Variants in NDUFV3 observed in about 807,000 individuals in gnomAD.
NDUFV3 encodes NADH:ubiquinone oxidoreductase subunit V3, also known as NADH dehydrogenase [ubiquinone] flavoprotein 3, mitochondrial.
A neutral mutation model predicts 37.5 loss-of-function variants in NDUFV3; 44 were observed. That is an observed-to-expected ratio of 1.17 (90% confidence interval 0.92 to 1.51). NDUFV3 has a LOEUF of 1.51. Ranked by LOEUF, NDUFV3 falls within the 40% of genes most tolerant of loss-of-function variation. NDUFV3 has a pLI of 0.00. For missense variants in NDUFV3, 580 were observed against 580.4 expected, an observed-to-expected ratio of 1.00 and a Z score of 0.01; for synonymous variants, 235 against 239.3, an observed-to-expected ratio of 0.98 and a Z score of 0.17.
At position 42,897,031 on chromosome 21, in the gene NDUFV3, G is replaced by A. The variant is rs547291948; in HGVS notation, c.153G>A (p.Lys51=). 1.6e-5 allele frequency: 26 copies of A among 1,614,042 alleles called. 1 individual carries two copies. In the South Asian group the frequency reaches 2.7e-4, roughly 17 times the overall value. ...AGGGTCAGCCACAGAATTCCAAGAA[G>A]CAAAGTCCACCAAAAAGTAAGATTT... The part of the protein sequence containing the change: ...SEKGQPQNSK[K]QSPPKNVVEP... The change falls in exon 2 of 4, where the codon AAG becomes AAA. Residue 51 remains lysine (K), a synonymous_variant. Transcript: ENST00000354250.
At position 42,897,033 on chromosome 21, in the gene NDUFV3, A is replaced by T. The variant is rs756027987; in HGVS notation, c.155A>T (p.Gln52Leu). 1 of 1,614,120 alleles carries T rather than the reference A, an allele frequency of 6.2e-7. No individual in the cohort carries two copies. Among genetic ancestry groups the T allele is most frequent in the Non-Finnish European group, 8.5e-7 (1 of 1,179,982 alleles). Residue 52 changes from glutamine to leucine, a missense_variant, in exon 2 of 4, where the codon CAA becomes CTA. Gln to Leu is a moderately radical substitution (Grantham distance 113, BLOSUM62 -2). Transcript: ENST00000354250. Reference protein sequence around the residue: ...EKGQPQNSKKQSPPKNVVEPK... With the variant: ...EKGQPQNSKKLSPPKNVVEPK... ...GGTCAGCCACAGAATTCCAAGAAGC[A>T]AAGTCCACCAAAAAGTAAGATTTTG...
In NDUFV3 at chr21:42,908,943, C is replaced by A; in HGVS notation, c.1344C>A (p.Thr448=). The part of the protein sequence containing the change: ...NLQHHDYSTY[T]FLDLNLELSK... Reference sequence around the variant, plus strand: ...AGCATCATGACTACAGCACGTACACCTTCTTAGACCTCAACCTCGAACTCT... The same window carrying A: ...AGCATCATGACTACAGCACGTACACATTCTTAGACCTCAACCTCGAACTCT... Residue 448 remains threonine, a synonymous_variant, in exon 4 of 4, where the codon ACC becomes ACA. Transcript: ENST00000354250. 6.2e-7 allele frequency: 1 copy of A among 1,614,012 alleles called. No homozygotes were observed. The highest frequency in any genetic ancestry group is 8.5e-7 in the Non-Finnish European group (1 of 1,179,954).
chr21:42,904,048 G>A lies in NDUFV3; in HGVS notation c.1036G>A (p.Ala346Thr). Residue 346 changes from alanine to threonine, a missense_variant, in exon 3 of 4, where the codon GCC (alanine) becomes ACC (threonine). By Grantham distance (58) the Ala-to-Thr change is moderately conservative. Transcript: ENST00000354250. ...KPVPEPQRKA[A>T]PPLPRKETSG... is the part of the protein sequence containing the mutation. ...CGTGCCAGAGCCCCAGCGCAAGGCG[G>A]CCCCTCCCCTGCCCAGAAAGGAAAC... is the stretch of plus-strand genomic sequence containing the variant. The A allele has an allele frequency of 1.2e-6, 2 of 1,614,166 alleles. No homozygotes were observed. Among genetic ancestry groups the A allele is most frequent in the Non-Finnish European group, 1.7e-6 (2 of 1,180,022 alleles).
At position 42,896,953 on chromosome 21, in the gene NDUFV3, T is replaced by G; in HGVS notation, c.75T>G (p.Phe25Leu). Residue 25 changes from phenylalanine to leucine, a missense_variant, in exon 2 of 4, where the codon TTT becomes TTG. Coordinates refer to ENST00000354250, the MANE Select transcript of NDUFV3 (RefSeq NM_021075.4). ...LKTMLQEAQVFRGLASTVSLS... is the reference protein window; with the variant it reads ...LKTMLQEAQVLRGLASTVSLS... ...CTATGCTCCAGGAAGCCCAGGTGTT[T>G]CGAGGACTTGCTTCTACGGTTTCTT... is the stretch of plus-strand genomic sequence containing the variant. 1.9e-6 allele frequency: 3 copies of G among 1,614,028 alleles called. No individual in the cohort carries two copies. Among genetic ancestry groups the G allele is most frequent in the Non-Finnish European group, 2.5e-6 (3 of 1,179,912 alleles).
chr21:42,896,398 C>T (rs866356769), intron 1 of NDUFV3, among the ~76,000 whole-genome samples: 47 of 151,782 alleles, frequency 3.1e-4, no homozygotes, highest in African/African-American at 8.9e-4. Context: ...CCTCATGATC[C>T]ACACGCCTCG....
Position 42,909,605 on chromosome 21 carries a change from CGG to C in NDUFV3, c.*585_*586del, listed in dbSNP as rs1568862808. On this transcript the variant is annotated 3_prime_UTR_variant, in exon 4 of 4. Transcript: ENST00000354250. ...TTAGAGAATTTTAAGTGCTTTAGAG[CGG>C]TGTGATTCTACTGTGCTCAGCCTAG... 3.4e-3 allele frequency: 574 copies of C among 166,876 alleles called. 2 individuals carry two copies. Among genetic ancestry groups the C allele is most frequent in the African/African-American group, 0.013 (524 of 41,710 alleles). The allele number at this position is 166,876 out of a possible 1,614,324, so 10.3% of individuals were successfully genotyped here. A position where few individuals can be genotyped will look rare whatever the true frequency, so the allele number is the denominator to read the frequency against.
At position 42,909,085 on chromosome 21, in the gene NDUFV3, A is replaced by G. The variant is rs2058756307; in HGVS notation, c.*64A>G. 6.4e-7 allele frequency: 1 copy of G among 1,551,262 alleles called. No individual in the cohort carries two copies. Among genetic ancestry groups the G allele is most frequent in the East Asian group, 2.3e-5 (1 of 44,246 alleles). ...CTGCATCCTGGAGTGCAAAAATAAA[A>G]TCCACTCAAGAGTCACAAGGCCCGC... On this transcript the variant is annotated 3_prime_UTR_variant, in exon 4 of 4. Coordinates refer to ENST00000354250, the MANE Select transcript of NDUFV3 (RefSeq NM_021075.4).
Position 42,910,297 on chromosome 21 carries a change from C to G in NDUFV3, c.*1276C>G, listed in dbSNP as rs113618384. On this transcript the variant is annotated 3_prime_UTR_variant, in exon 4 of 4. Transcript: ENST00000354250. ...CAAGATCGTGCCATTGTACTCCAGC[C>G]TGGGCAACAGGAGTGAAACTCAATC... 3,026 of 152,270 alleles carry G rather than the reference C, an allele frequency of 0.02. 114 individuals carry two copies. Among genetic ancestry groups the G allele is most frequent in the African/African-American group, 0.069 (2,863 of 41,504 alleles). The allele number at this position is 152,270 out of a possible 1,614,324, so 9.4% of individuals were successfully genotyped here. A position where few individuals can be genotyped will look rare whatever the true frequency, so the allele number is the denominator to read the frequency against.
intron 3 of NDUFV3, among the ~76,000 whole-genome samples, chr21:42,908,639 A>T: frequency 7.9e-6 from 1 of 125,800 alleles, no homozygotes; most frequent in East Asian, 2.1e-4. Context: ...GTAGGTAAGC[A>T]CCTGTGTGTG....
intron 2 of NDUFV3, among the ~76,000 whole-genome samples, chr21:42,897,738 G>A (rs1010416740): frequency 4.6e-5 from 7 of 151,420 alleles, no homozygotes; most frequent in African/African-American, 9.7e-5. Flanking sequence ...GTGCAGTGGC[G>A]CAATCTCGGC....
At position 42,912,240 on chromosome 21, in the gene NDUFV3, CAAA is replaced by C. The variant is rs1434966444; in HGVS notation, c.*3224_*3226del. On this transcript the variant is annotated 3_prime_UTR_variant, in exon 4 of 4. Coordinates refer to ENST00000354250, the MANE Select transcript of NDUFV3 (RefSeq NM_021075.4). Reference sequence around the variant, plus strand: ...GGGCAACAACAGCAAAACTCCGTCTCAAAAAAATAAAGTTCTTCCCTTAGAACT... The same window carrying C: ...GGGCAACAACAGCAAAACTCCGTCTCAAAATAAAGTTCTTCCCTTAGAACT... 6.6e-6 allele frequency: 1 copy of C among 152,022 alleles called. No homozygotes were observed. The highest frequency in any genetic ancestry group is 1.5e-5 in the Non-Finnish European group (1 of 68,022). The allele number at this position is 152,022 out of a possible 1,614,324, so 9.4% of individuals were successfully genotyped here.
intron 1 of NDUFV3, among the ~76,000 whole-genome samples, chr21:42,894,451 A>T (rs1379585904): frequency 2.1e-5 from 1 of 48,656 alleles, no homozygotes; most frequent in Non-Finnish European, 3.3e-5. Context: ...TAATATATAT[A>T]ATATGTTTAT....
rs2058769770 is a variant in NDUFV3, at chr21:42,911,267, T to C, written c.*2246T>C. 1 of 151,884 alleles carries C rather than the reference T, an allele frequency of 6.6e-6. No homozygotes were observed. Among genetic ancestry groups the C allele is most frequent in the African/African-American group, 2.4e-5 (1 of 41,336 alleles). 9.4% of individuals were successfully genotyped at this position (151,884 alleles called of 1,614,324 possible). A position where few individuals can be genotyped will look rare whatever the true frequency, so the allele number is the denominator to read the frequency against. On this transcript the variant is annotated 3_prime_UTR_variant, in exon 4 of 4. Transcript: ENST00000354250. The stretch of plus-strand genomic sequence containing the variant: ...AAAAAAAAATTTTTTTTTTTAAATA[T>C]CAAAATTGAAAACTAGTATTGTGGT...
chr21:42,894,470 ATATT>A (rs1298879509), intron 1 of NDUFV3, among the ~76,000 whole-genome samples: 1 of 69,254 alleles, frequency 1.4e-5, no homozygotes, highest in Admixed American at 2.0e-4. Context: ...ATATAAATAT[ATATT>A]ATATATTTAT....
intron 2 of NDUFV3, among the ~76,000 whole-genome samples, chr21:42,901,719 T>C (rs1041070543): frequency 2.0e-5 from 3 of 151,806 alleles, no homozygotes; most frequent in Admixed American, 2.0e-4. Context: ...ACCCAGGGAG[T>C]AGATGCTACT....
rs769554335 is a variant in NDUFV3 at position 42,910,864 on chromosome 21, G to C, written c.*1843G>C. ...TAAGTCACACCTTTGGGGGCAATGT[G>C]GGGGGCTCCTGTGCATCACATGGAG... On this transcript the variant is annotated 3_prime_UTR_variant, in exon 4 of 4. Coordinates refer to ENST00000354250, the MANE Select transcript of NDUFV3 (RefSeq NM_021075.4). The C allele has an allele frequency of 6.5e-6, 1 of 153,116 alleles. No homozygotes were observed. Among genetic ancestry groups the C allele is most frequent in the African/African-American group, 2.4e-5 (1 of 41,460 alleles). The allele number at this position is 153,116 out of a possible 1,614,324, so 9.5% of individuals were successfully genotyped here.
At chr21:42,897,086 A>C (rs2146149194) in intron 2 of NDUFV3, 39 bp downstream of exon 2, 1 of 1,610,726 alleles carries the variant, frequency 6.2e-7, no homozygotes, top group Non-Finnish European at 8.5e-7. Context: ...AAGAGAATGC[A>C]AAAAGAAAAT....
rs2058770298 is a variant in NDUFV3, at chr21:42,911,438, C to CTT, written c.*2417_*2418insTT. 1 of 135,782 alleles carries CTT rather than the reference C, an allele frequency of 7.4e-6. No homozygotes were observed. The highest frequency in any genetic ancestry group is 2.3e-4 in the South Asian group (1 of 4,324). The allele number at this position is 135,782 out of a possible 1,614,324, so 8.4% of individuals were successfully genotyped here. On this transcript the variant is annotated 3_prime_UTR_variant, in exon 4 of 4. Transcript: ENST00000354250. ...CCTAAAATCCACTATGCTAACCCAC[C>CTT]CTTTTTTTTTTTTTTTTTTTTTTTT... is the stretch of plus-strand genomic sequence containing the variant.
rs12626181 is a variant in NDUFV3, at chr21:42,894,396, A to T, written c.48+1015A>T. ...TTTATATAATATGTAAATATATATT[A>T]TATATTTATATAATATATAATATAT... On this transcript the variant is annotated intron_variant, in intron 1 of 3. Transcript: ENST00000354250. Among the ~76,000 whole-genome samples the T allele has an allele frequency of 2.2e-4, 9 of 40,314 alleles. 2 individuals carry two copies. In the East Asian group the frequency reaches 3.1e-3, roughly 14 times the overall value. 26.4% of individuals were successfully genotyped at this position (40,314 alleles called of 152,430 possible). A position where few individuals can be genotyped will look rare whatever the true frequency, so the allele number is the denominator to read the frequency against.
Sources: allele counts gnomAD v4.1 joint callset (sites outside exome capture counted in the v4.1 genomes callset), GRCh38; gene constraint gnomAD v4.1.1; transcripts MANE v1.5; gene names NCBI Gene and HGNC (gene_info 2026-07-23, HGNC 2026-07-21).